ZNF718: variants seen among roughly 807,000 people sequenced by gnomAD.
ZNF718 encodes zinc finger protein 718.
ZNF718 carries 3 observed loss-of-function variants against 2.6 expected under a neutral mutation model. That is an observed-to-expected ratio of 1.16 (90% confidence interval 0.53 to 3.01). ZNF718 has a LOEUF of 3.01. Ranked by LOEUF, ZNF718 falls within the 30% of genes most tolerant of loss-of-function variation. ZNF718 has a pLI of 0.03. For missense variants in ZNF718, 468 were observed against 230.0 expected (o/e 2.03, Z -6.69); for synonymous variants, 135 against 77.9 (o/e 1.73, Z -3.86).
downstream of ZNF718, among the ~76,000 whole-genome samples, chr4:168,378 G>A (rs1372498917): frequency 6.6e-6 from 1 of 152,158 alleles, no homozygotes; most frequent in African/African-American, 2.4e-5. Context: ...ATTTAGTTAG[G>A]GAGGATTCCC....
At chr4:182,369 G>A (rs988755974) in intron 3 of ZNF718, among the ~76,000 whole-genome samples, 4 of 151,912 alleles carry the variant, frequency 2.6e-5, no homozygotes, top group African/African-American at 9.7e-5. Flanking sequence ...TGACTTGTGT[G>A]AGATGATATC....
intron 3 of ZNF718, among the ~76,000 whole-genome samples, chr4:147,876 A>C (rs1716136483): frequency 6.6e-6 from 1 of 152,094 alleles, no homozygotes; most frequent in South Asian, 2.1e-4. Context: ...TCCAGGAAAA[A>C]AAACCCTCCA....
intron 3 of ZNF718, among the ~76,000 whole-genome samples, chr4:174,900 A>G (rs1383274211): frequency 6.6e-6 from 1 of 152,224 alleles, no homozygotes; most frequent in Non-Finnish European, 1.5e-5. Context: ...CCTGAAGGCC[A>G]TAACCTTCTG....
intron 3 of ZNF718, among the ~76,000 whole-genome samples, chr4:176,996 C>T (rs1286497409): frequency 1.3e-5 from 2 of 152,176 alleles, no homozygotes; most frequent in Non-Finnish European, 2.9e-5. Context: ...TGCCTCTCTG[C>T]AAATTGGACC....
At chr4:197,022 G>A (rs1012800875) in intron 3 of ZNF718, among the ~76,000 whole-genome samples, 1 of 149,208 alleles carries the variant, frequency 6.7e-6, no homozygotes, top group African/African-American at 2.4e-5. Flanking sequence ...CCCCATCTTG[G>A]GAGTGGCCCG....
At chr4:179,201 C>T (rs374754001) in intron 3 of ZNF718, among the ~76,000 whole-genome samples, 23 of 152,100 alleles carry the variant, frequency 1.5e-4, no homozygotes, top group African/African-American at 5.1e-4. Context: ...GATAATATTC[C>T]CAAAAGTTTA....
At chr4:171,522 C>A (rs1292973740) in intron 3 of ZNF718, among the ~76,000 whole-genome samples, 1 of 152,114 alleles carries the variant, frequency 6.6e-6, no homozygotes, top group Non-Finnish European at 1.5e-5. Context: ...GCTTTGTTTA[C>A]CCCCTCAAGC....
intron 3 of ZNF718, among the ~76,000 whole-genome samples, chr4:140,445 G>C (rs1199788565): frequency 6.6e-6 from 1 of 152,184 alleles, no homozygotes; most frequent in Non-Finnish European, 1.5e-5. Flanking sequence ...GAATGGAAAA[G>C]TGGAATGGCA....
chr4:168,201 C>A (rs1553817272), downstream of ZNF718, among the ~76,000 whole-genome samples: 1 of 152,088 alleles, frequency 6.6e-6, no homozygotes, highest in South Asian at 2.1e-4. Context: ...GGATGAAGCC[C>A]ACTTGATCAT....
chr4:124,776 C>G, intron 1 of ZNF718, 103 bp downstream of exon 1: 1 of 1,506,218 alleles, frequency 6.6e-7, no homozygotes. Flanking sequence ...TCCCGCTCAG[C>G]CCTCTGTCCT....
chr4:150,289 A>G (rs946542366), intron 3 of ZNF718: 6 of 152,166 alleles, frequency 3.9e-5, no homozygotes, highest in African/African-American at 1.4e-4. Context: ...TCTTTTGTAA[A>G]TAATAATAAA....
At chr4:195,366 T>G (rs538402007) in intron 3 of ZNF718, among the ~76,000 whole-genome samples, 2 of 152,152 alleles carry the variant, frequency 1.3e-5, no homozygotes, top group Non-Finnish European at 2.9e-5. Flanking sequence ...CACATTGTGG[T>G]TTTTTTTCTC....
intron 3 of ZNF718, among the ~76,000 whole-genome samples, chr4:148,610 CAAAAA>C (rs33957522): frequency 5.4e-5 from 4 of 74,508 alleles, no homozygotes; most frequent in South Asian, 4.6e-4. Flanking sequence ...GACTCTGTCT[CAAAAA>C]AAAAAAAAAA....
chr4:185,615 A>G (rs1717552146), intron 3 of ZNF718, among the ~76,000 whole-genome samples: 1 of 152,098 alleles, frequency 6.6e-6, no homozygotes, highest in Non-Finnish European at 1.5e-5. Context: ...CCCCACTACT[A>G]TTATGTGGGA....
intron 3 of ZNF718, among the ~76,000 whole-genome samples, chr4:176,945 G>A (rs1298069956): frequency 1.3e-5 from 2 of 152,172 alleles, no homozygotes; most frequent in Admixed American, 6.5e-5. Flanking sequence ...TGTTTATGGA[G>A]TGCAGAACTT....
At chr4:157,644 GT>G (rs1387295101) in intron 3 of ZNF718, among the ~76,000 whole-genome samples, 1 of 152,116 alleles carries the variant, frequency 6.6e-6, no homozygotes, top group Non-Finnish European at 1.5e-5. Flanking sequence ...CTATAATTAT[GT>G]AAGATTTTCA....
At chr4:193,745 C>T (rs1365495777) in intron 3 of ZNF718, among the ~76,000 whole-genome samples, 4 of 151,808 alleles carry the variant, frequency 2.6e-5, no homozygotes, top group African/African-American at 7.3e-5. Flanking sequence ...CAAGCATACC[C>T]GGGGCCCAGT....
chr4:149,072 A>G (rs1048951571), intron 3 of ZNF718, among the ~76,000 whole-genome samples: 1 of 152,134 alleles, frequency 6.6e-6, no homozygotes, highest in Non-Finnish European at 1.5e-5. Flanking sequence ...CTGTATTTTC[A>G]TAACTAGAAG....
At position 129,762 on chromosome 4, in the gene ZNF718, A is replaced by G. The variant is rs1188376658; in HGVS notation, c.4-1026A>G. Among the ~76,000 whole-genome samples, 2 of 72,870 alleles carry G rather than the reference A, an allele frequency of 2.7e-5. 1 individual carries two copies. Among genetic ancestry groups the G allele is most frequent in the African/African-American group, 9.6e-5 (2 of 20,932 alleles). The allele number at this position is 72,870 out of a possible 152,430, so 47.8% of individuals were successfully genotyped here. A position where few individuals can be genotyped will look rare whatever the true frequency, so the allele number is the denominator to read the frequency against. On this transcript the variant is annotated intron_variant, in intron 1 of 3. Coordinates refer to ENST00000510175, the MANE Select transcript of ZNF718 (RefSeq NM_001039127.6). ...CTGTCCCGTCTCTCTATATTGAGCT[A>G]TTATTCTACGCATTTAAAAAAAAAA...
Sources: gnomAD v4.1 joint callset for allele counts (sites outside exome capture counted in the v4.1 genomes callset) on GRCh38, gnomAD v4.1.1 for gene constraint, MANE v1.5 for transcripts, NCBI Gene and HGNC (gene_info 2026-07-23, HGNC 2026-07-21) for gene names.